The following PSME3IP1 variants were observed in gnomAD, a reference collection of about 807,000 sequenced individuals.
The protein encoded by PSME3IP1 is PSME3-interacting protein.
A neutral mutation model predicts 34.1 loss-of-function variants in PSME3IP1; 13 were observed. The observed-to-expected ratio is 0.38, with a 90% CI of 0.25 to 0.61. The LOEUF is 0.61. Ranked by LOEUF, PSME3IP1 falls within the 20% of genes least tolerant of loss-of-function variation. PSME3IP1 has a pLI of 0.60. For synonymous variants in PSME3IP1, 93 were observed against 114.3 expected, an observed-to-expected ratio of 0.81 and a Z score of 1.19; for missense variants, 237 against 301.4, an observed-to-expected ratio of 0.79 and a Z score of 1.58.
rs573807447 is a variant in PSME3IP1, at chr16:57,182,506, A to C, written c.-16+3315T>G. Among the ~76,000 whole-genome samples, 104 of 137,666 alleles carry C rather than the reference A, an allele frequency of 7.6e-4. 4 individuals are homozygous for C. The South Asian group carries it at 0.02, about 26-fold the overall frequency. The allele number at this position is 137,666 out of a possible 152,430, so 90.3% of individuals were successfully genotyped here. A position where few individuals can be genotyped will look rare whatever the true frequency, so the allele number is the denominator to read the frequency against. ...GACTGGAGGACTGCTTGAGCCTAGG[A>C]GTTCAAGGCCAGCCCGGGCAACATA... is the stretch of plus-strand genomic sequence containing the variant. On this transcript the variant is annotated intron_variant, in intron 1 of 6. Coordinates refer to ENST00000309137, the MANE Select transcript of PSME3IP1 (RefSeq NM_024946.4).
At chr16:57,159,137 G>A (rs1051406803) in intron 6 of PSME3IP1, among the ~76,000 whole-genome samples, 36 of 152,274 alleles carry the variant, frequency 2.4e-4, no homozygotes, top group African/African-American at 7.7e-4. Context: ...CTGGCCTAAC[G>A]GAAGAATGGA....
chr16:57,173,606 G>A (rs899993908), intron 2 of PSME3IP1, 122 bp downstream of exon 2: 2 of 1,210,562 alleles, frequency 1.7e-6, no homozygotes, highest in South Asian at 3.1e-5. Context: ...TCCAGCCTGG[G>A]CAACAGAGTG....
At chr16:57,162,963 A>G (rs2071437548) in intron 6 of PSME3IP1, among the ~76,000 whole-genome samples, 1 of 151,594 alleles carries the variant, frequency 6.6e-6, no homozygotes, top group African/African-American at 2.4e-5. Context: ...TCAGGAGTGC[A>G]AGACCAGCCT....
chr16:57,185,142 G>A (rs1233231731), intron 1 of PSME3IP1, among the ~76,000 whole-genome samples: 1 of 152,180 alleles, frequency 6.6e-6, no homozygotes, highest in Non-Finnish European at 1.5e-5. Context: ...CGGGCTACCC[G>A]AGCGTGCGGG....
chr16:57,164,402 T>G (rs1197716606), intron 5 of PSME3IP1, among the ~76,000 whole-genome samples: 1 of 152,142 alleles, frequency 6.6e-6, no homozygotes, highest in African/African-American at 2.4e-5. Flanking sequence ...ATGACAAACA[T>G]TTAGTAATTA....
chr16:57,172,631 G>T (rs1046907758), intron 3 of PSME3IP1, 145 bp downstream of exon 3: 2 of 759,924 alleles, frequency 2.6e-6, no homozygotes, highest in Non-Finnish European at 4.5e-6. Context: ...AAGGCTGAAG[G>T]CTGTCTCTTT....
chr16:57,180,843 C>A (rs1481982167), intron 1 of PSME3IP1, among the ~76,000 whole-genome samples: 6 of 152,000 alleles, frequency 3.9e-5, no homozygotes, highest in Non-Finnish European at 8.8e-5. Context: ...TCACTTAAGG[C>A]CAGGAATTTA....
At chr16:57,184,742 A>G (rs1227203207) in intron 1 of PSME3IP1, among the ~76,000 whole-genome samples, 1 of 152,286 alleles carries the variant, frequency 6.6e-6, no homozygotes, top group African/African-American at 2.4e-5. Flanking sequence ...CTGATAATCA[A>G]CTAAATGGTT....
chr16:57,170,081 C>CTTTT (rs869047118), intron 4 of PSME3IP1, among the ~76,000 whole-genome samples: 2 of 125,946 alleles, frequency 1.6e-5, no homozygotes, highest in African/African-American at 6.0e-5. Context: ...CCATACAACG[C>CTTTT]TTTTTTTTTT....
intron 1 of PSME3IP1, 193 bp from the exon 2 acceptor site, chr16:57,174,062 G>C (rs1228504100): frequency 3.9e-6 from 2 of 512,376 alleles, no homozygotes; most frequent in African/African-American, 3.9e-5. Context: ...TTGGGAGGCC[G>C]AGGCGCATGG....
intron 6 of PSME3IP1, among the ~76,000 whole-genome samples, chr16:57,161,241 C>G (rs184396998): frequency 2.0e-4 from 30 of 152,312 alleles, no homozygotes; most frequent in Non-Finnish European, 4.1e-4. Flanking sequence ...GGAAGACTCA[C>G]ACTTCCCAAT....
chr16:57,174,121 C>T (rs1454115037), intron 1 of PSME3IP1: 1 of 334,758 alleles, frequency 3.0e-6, no homozygotes, highest in Admixed American at 4.4e-5. Flanking sequence ...TGGTGAAACC[C>T]CGTCTCTACT....
Position 57,185,839 on chromosome 16 carries a change from C to T in PSME3IP1, c.-34G>A. ...CACTCACCTACCGGCGCGCGGGAGG[C>T]GAGACGACCTCACCTCGGCGGCGCC... On this transcript the variant is annotated 5_prime_UTR_variant, in exon 1 of 7. Coordinates refer to ENST00000309137, the MANE Select transcript of PSME3IP1 (RefSeq NM_024946.4). 1 of 985,016 alleles carries T rather than the reference C, an allele frequency of 1.0e-6. No homozygotes were observed. The highest frequency in any genetic ancestry group is 1.2e-6 in the Non-Finnish European group (1 of 829,892). 61.0% of individuals were successfully genotyped at this position (985,016 alleles called of 1,614,324 possible). A position where few individuals can be genotyped will look rare whatever the true frequency, so the allele number is the denominator to read the frequency against.
intron 1 of PSME3IP1, among the ~76,000 whole-genome samples, chr16:57,180,548 C>T (rs888485743): frequency 4.6e-5 from 7 of 151,716 alleles, no homozygotes; most frequent in South Asian, 2.1e-4. Context: ...TGAGATTTCA[C>T]GCCGCTGCAC....
chr16:57,183,472 G>C (rs1276985723), intron 1 of PSME3IP1, among the ~76,000 whole-genome samples: 1 of 151,960 alleles, frequency 6.6e-6, no homozygotes, highest in Non-Finnish European at 1.5e-5. Context: ...AGCTGGGATT[G>C]CAGGTGCCCG....
intron 1 of PSME3IP1, among the ~76,000 whole-genome samples, chr16:57,179,237 A>C (rs2073476413): frequency 6.6e-6 from 1 of 152,240 alleles, no homozygotes; most frequent in Admixed American, 6.5e-5. Flanking sequence ...TAAAGGATTT[A>C]TTCAATTTCT....
At chr16:57,170,802 G>A (rs2072479989) in intron 4 of PSME3IP1, among the ~76,000 whole-genome samples, 1 of 152,210 alleles carries the variant, frequency 6.6e-6, no homozygotes, top group South Asian at 2.1e-4. Flanking sequence ...GCTGGGTGCG[G>A]TGGCTTACGC....
chr16:57,177,214 CAAT>C (rs1182028583), intron 1 of PSME3IP1, among the ~76,000 whole-genome samples: 6 of 152,036 alleles, frequency 3.9e-5, no homozygotes, highest in Non-Finnish European at 8.8e-5. Context: ...ACAACAACAA[CAAT>C]AAAAACAAAC....
intron 6 of PSME3IP1, among the ~76,000 whole-genome samples, chr16:57,155,498 G>A (rs565620959): frequency 3.3e-5 from 5 of 152,228 alleles, no homozygotes; most frequent in African/African-American, 1.2e-4. Flanking sequence ...GCCAAGTGAG[G>A]TGGCTCATGC....
Sources: gnomAD v4.1 joint callset for allele counts (sites outside exome capture counted in the v4.1 genomes callset) on GRCh38, gnomAD v4.1.1 for gene constraint, MANE v1.5 for transcripts, NCBI Gene and HGNC (gene_info 2026-07-23, HGNC 2026-07-21) for gene names.